Variants in SART1 observed in about 807,000 individuals in gnomAD.
SART1 encodes spliceosome associated factor 1, recruiter of U4/U6.U5 tri-snRNP.
In SART1, 28 loss-of-function variants were observed where a neutral mutation model predicts 105.0. The observed-to-expected ratio is 0.27, with a 90% CI of 0.20 to 0.37. The LOEUF (loss-of-function observed/expected upper bound fraction) is 0.37. SART1 is among the 10% of genes least tolerant of loss of function. The probability of loss-of-function intolerance (pLI) is 1.00; values close to 1 mark genes in which losing one functional copy is unlikely to be tolerated. For missense variants in SART1, 894 were observed against 1,106.5 expected (o/e 0.81, Z 2.72); for synonymous variants, 472 against 462.9 (o/e 1.02, Z -0.25).
Position 65,978,940 on chromosome 11 carries a change from AG to A in SART1, c.2384+29del. ...GTGAGTGGCTCGAGGCTGGTGGGGT[AG>A]GGTGTGGTGGGGAGGGGTGGCGTGG... On this transcript the variant is annotated intron_variant, in intron 19 of 19. Transcript: ENST00000312397. This position sits in a 1 kb window ranked among gnomAD's most constrained non-coding sequence, Gnocchi z 6.8. 6.7e-7 allele frequency: 1 copy of A among 1,492,370 alleles called. No homozygotes were observed. The highest frequency in any genetic ancestry group is 9.1e-7 in the Non-Finnish European group (1 of 1,096,088). 92.4% of individuals were successfully genotyped at this position (1,492,370 alleles called of 1,614,324 possible).
Position 65,961,845 on chromosome 11 carries a change from C to A in SART1, c.65C>A (p.Thr22Asn). ...EAAGTTAAAGTGGATEQPPRH... is the reference protein window; with the variant it reads ...EAAGTTAAAGNGGATEQPPRH... ...GCCGGGACGACGGCGGCGGCCGGCA[C>A]CGGGGGTGCCACCGAGCAGCCGCCG... is the stretch of plus-strand genomic sequence containing the variant. The change falls in exon 1 of 20, where the codon ACC (threonine) becomes AAC (asparagine). Residue 22 changes from threonine to asparagine, a missense_variant. Physicochemically the swap from Thr to Asn is moderately conservative, Grantham distance 65. Transcript: ENST00000312397. 1 of 1,574,600 alleles carries A rather than the reference C, an allele frequency of 6.4e-7. No individual in the cohort carries two copies. Among genetic ancestry groups the A allele is most frequent in the East Asian group, 2.5e-5 (1 of 40,238 alleles).
In SART1 at chr11:65,977,165, C is replaced by T. The variant is rs537176344; in HGVS notation, c.1945+64C>T. 72 of 1,236,710 alleles carry T rather than the reference C, an allele frequency of 5.8e-5. No homozygotes were observed. In the South Asian group the frequency reaches 7.3e-4, roughly 13 times the overall value. 76.6% of individuals were successfully genotyped at this position (1,236,710 alleles called of 1,614,324 possible). ...GGTGCTGCTGCAGGTGCAGGCAGGG[C>T]CCCCTCCGGTCCCCTCTGCTGCCCC... On this transcript the variant is annotated intron_variant, in intron 15 of 19. Coordinates refer to ENST00000312397, the MANE Select transcript of SART1 (RefSeq NM_005146.5).
At chr11:65,974,852 G>A (rs11821955) in intron 12 of SART1, among the ~76,000 whole-genome samples, 2,921 of 151,858 alleles carry the variant, frequency 0.019, 93 homozygotes, top group African/African-American at 0.063. Flanking sequence ...AGGCTAGTAC[G>A]GTGAAACCCC....
intron 6 of SART1, 48 bp downstream of exon 6, chr11:65,965,827 C>T: frequency 1.9e-6 from 3 of 1,613,310 alleles, no homozygotes; most frequent in Non-Finnish European, 2.5e-6. Context: ...GGCCTTGCTA[C>T]CGGAATCCCG....
intron 12 of SART1, among the ~76,000 whole-genome samples, chr11:65,975,746 G>A (rs978676087): frequency 1.1e-4 from 17 of 152,136 alleles, no homozygotes; most frequent in African/African-American, 4.1e-4. Context: ...ACTGAGGAGT[G>A]AGGACTTTGC....
At chr11:65,975,019 G>A (rs547720205) in intron 12 of SART1, among the ~76,000 whole-genome samples, 83 of 151,922 alleles carry the variant, frequency 5.5e-4, no homozygotes, top group Non-Finnish European at 9.4e-4. Context: ...CAGCCTGGGC[G>A]ACAAAGTGAG....
chr11:65,967,631 C>A (rs756359333), intron 11 of SART1, 45 bp downstream of exon 11: 13 of 1,599,828 alleles, frequency 8.1e-6, no homozygotes, highest in Admixed American at 1.7e-5. Context: ...ACAGGAGCCG[C>A]GGGTTGGAGG....
At chr11:65,962,126 C>CGGGGGGGGGGGGG in intron 1 of SART1, 33 bp downstream of exon 1, 1 of 25,830 alleles carries the variant, frequency 3.9e-5, no homozygotes, top group Non-Finnish European at 6.4e-5. Context: ...GGGGGCGGGT[C>CGGGGGGGGGGGGG]GGGCGGGGGT....
chr11:65,964,875 C>T (rs556963417), intron 3 of SART1, among the ~76,000 whole-genome samples: 4 of 152,228 alleles, frequency 2.6e-5, no homozygotes, highest in South Asian at 4.2e-4. Flanking sequence ...CTTTAAAGCA[C>T]GATTTGAGGG....
Position 65,961,841 on chromosome 11 carries a change from G to T in SART1, c.61G>T (p.Gly21Cys). 6.4e-7 allele frequency: 1 copy of T among 1,569,932 alleles called. No homozygotes were observed. Residue 21 changes from glycine to cysteine, a missense_variant, in exon 1 of 20, where the codon GGC (glycine) becomes TGC (cysteine). Gly to Cys is a radical substitution (Grantham distance 159, BLOSUM62 -3). This residue lies in a region of SART1 where 712 missense variants were observed against 778.2 expected (regional missense o/e 0.91). Transcript: ENST00000312397. ...GGCGGCCGGGACGACGGCGGCGGCC[G>T]GCACCGGGGGTGCCACCGAGCAGCC... ...KEAAGTTAAA[G>C]TGGATEQPPR...
chr11:65,972,658 G>T (rs1036267789), intron 12 of SART1, among the ~76,000 whole-genome samples: 1 of 151,946 alleles, frequency 6.6e-6, no homozygotes, highest in Admixed American at 6.6e-5. Context: ...CCTCAGCTAC[G>T]CCGGAGGCTA....
At chr11:65,970,797 AGGGG>A (rs1855361524) in intron 12 of SART1, among the ~76,000 whole-genome samples, 1 of 35,058 alleles carries the variant, frequency 2.9e-5, no homozygotes, top group African/African-American at 1.1e-4. Flanking sequence ...CTGCTGAGGG[AGGGG>A]GATGGTGGGA....
At position 65,976,862 on chromosome 11, in the gene SART1, G is replaced by C; in HGVS notation, c.1857+96G>C. ...TCCAGAGCCTCAGCCTCCTCATCCA[G>C]AGTGGGCTCTGCAGACCTCCCAGGG... On this transcript the variant is annotated intron_variant, in intron 14 of 19. Transcript: ENST00000312397. This position sits in a 1 kb window ranked among gnomAD's most constrained non-coding sequence, Gnocchi z 5.1. 8.3e-7 allele frequency: 1 copy of C among 1,208,594 alleles called. No individual in the cohort carries two copies. Among genetic ancestry groups the C allele is most frequent in the Non-Finnish European group, 1.2e-6 (1 of 844,666 alleles). 74.9% of individuals were successfully genotyped at this position (1,208,594 alleles called of 1,614,324 possible).
At chr11:65,970,111 C>T (rs1855343359) in intron 12 of SART1, among the ~76,000 whole-genome samples, 1 of 152,170 alleles carries the variant, frequency 6.6e-6, no homozygotes, top group Admixed American at 6.5e-5. Context: ...CACCTTTGTC[C>T]TCTAGAGTCA....
At chr11:65,962,639 A>T (rs1590631450) in intron 1 of SART1, among the ~76,000 whole-genome samples, 1 of 152,208 alleles carries the variant, frequency 6.6e-6, no homozygotes, top group East Asian at 1.9e-4. Flanking sequence ...GTAGGGAGCC[A>T]TGGATGTGAG....
At position 65,976,107 on chromosome 11, in the gene SART1, G is replaced by A. The variant is rs1855475816; in HGVS notation, c.1573-288G>A. Among the ~76,000 whole-genome samples, 1 of 152,266 alleles carries A rather than the reference G, an allele frequency of 6.6e-6. No individual in the cohort carries two copies. The highest frequency in any genetic ancestry group is 2.4e-5 in the African/African-American group (1 of 41,568). On this transcript the variant is annotated intron_variant, in intron 12 of 19. Coordinates refer to ENST00000312397, the MANE Select transcript of SART1 (RefSeq NM_005146.5). The surrounding 1 kb of genome is among the most constrained non-coding windows in gnomAD (Gnocchi z 5.1). Reference sequence around the variant, plus strand: ...GGAAGGAGTTTGAGGCTGAGGTAGTGTGTGAGGGGCTTTGGAGGGGGATTG... The same window carrying A: ...GGAAGGAGTTTGAGGCTGAGGTAGTATGTGAGGGGCTTTGGAGGGGGATTG...
chr11:65,977,469 G>A lies in SART1; in HGVS notation c.1946-94G>A, dbSNP rs1056068762. Reference sequence around the variant, plus strand: ...ATGGCTTTCCAGAGGCAAGGAAAGGGAGGTGCCCCCACAGGGCCTGCTCTG... The same window carrying A: ...ATGGCTTTCCAGAGGCAAGGAAAGGAAGGTGCCCCCACAGGGCCTGCTCTG... On this transcript the variant is annotated intron_variant, in intron 15 of 19. Transcript: ENST00000312397. 14 of 1,021,556 alleles carry A rather than the reference G, an allele frequency of 1.4e-5. No homozygotes were observed. The African/African-American group carries it at 1.4e-4, about 10-fold the overall frequency. The allele number at this position is 1,021,556 out of a possible 1,614,324, so 63.3% of individuals were successfully genotyped here.
In SART1 at chr11:65,976,992, A is replaced by AC; in HGVS notation, c.1858-17dup. 2 of 1,600,068 alleles carry AC rather than the reference A, an allele frequency of 1.2e-6. No homozygotes were observed. The highest frequency in any genetic ancestry group is 1.7e-6 in the Non-Finnish European group (2 of 1,169,694). On this transcript the variant is annotated intron_variant, in intron 14 of 19. Transcript: ENST00000312397. The surrounding 1 kb of genome is among the most constrained non-coding windows in gnomAD (Gnocchi z 5.1). ...GAAGAGCCGGTATGGCCTGCTAACC[A>AC]CCCCCGCCACGTGTCCCGTAGTTCT... is the stretch of plus-strand genomic sequence containing the variant.
At position 65,965,949 on chromosome 11, in the gene SART1, A is replaced by G. The variant is rs773906078; in HGVS notation, c.801A>G (p.Arg267=). The change falls in exon 7 of 20, where the codon CGA becomes CGG. Residue 267 remains arginine (R), a synonymous_variant. Coordinates refer to ENST00000312397, the MANE Select transcript of SART1 (RefSeq NM_005146.5). The part of the protein sequence containing the change: ...LTVEHAIDSF[R]EGETMILTLK... ...TGGAGCATGCCATTGATTCCTTCCGAGAAGGGGAGACAATGATTCTTACCC... is the reference window on the plus strand; with the variant it reads ...TGGAGCATGCCATTGATTCCTTCCGGGAAGGGGAGACAATGATTCTTACCC... 4.3e-6 allele frequency: 7 copies of G among 1,614,008 alleles called. No homozygotes were observed. The highest frequency in any genetic ancestry group is 5.9e-6 in the Non-Finnish European group (7 of 1,180,014).
Sources: gnomAD v4.1 joint callset for allele counts (sites outside exome capture counted in the v4.1 genomes callset) on GRCh38, gnomAD v4.1.1 for gene constraint, gnomAD v4.1.1 regional missense constraint, Gnocchi (gnomAD v3.1) non-coding constraint, MANE v1.5 for transcripts, NCBI Gene and HGNC (gene_info 2026-07-23, HGNC 2026-07-21) for gene names.